The following C21orf91 variants were observed in gnomAD, a reference collection of about 807,000 sequenced individuals.
C21orf91 encodes protein EURL homolog.
C21orf91 carries 26 observed loss-of-function variants against 32.9 expected under a neutral mutation model. That is an observed-to-expected ratio of 0.79 (90% CI 0.58 to 1.10). C21orf91 has a LOEUF of 1.10. Among genes scored for constraint, C21orf91 ranks in the 50% least tolerant of loss-of-function variants. The pLI is 0.00. For missense variants in C21orf91, 310 were observed against 341.3 expected, an observed-to-expected ratio of 0.91 and a Z score of 0.72; for synonymous variants, 126 against 120.4, an observed-to-expected ratio of 1.05 and a Z score of -0.31.
intron 2 of C21orf91, among the ~76,000 whole-genome samples, chr21:17,803,426 G>A (rs1377443805): frequency 2.0e-5 from 3 of 152,086 alleles, no homozygotes; most frequent in Non-Finnish European, 4.4e-5. Context: ...TGGGAGGATC[G>A]CTTGGGCCAG....
chr21:17,799,114 G>T (rs1480832507), intron 2 of C21orf91, among the ~76,000 whole-genome samples: 1 of 152,112 alleles, frequency 6.6e-6, no homozygotes, highest in Admixed American at 6.5e-5. Context: ...CTAGGCTATG[G>T]AAAGTAATTA....
At chr21:17,812,049 G>T (rs183481530) in intron 2 of C21orf91, among the ~76,000 whole-genome samples, 16 of 152,180 alleles carry the variant, frequency 1.1e-4, no homozygotes, top group African/African-American at 3.9e-4. Flanking sequence ...AAAAAAAAAT[G>T]AGGCTACCAT....
rs1194367747 is a variant in C21orf91, at chr21:17,791,259, C to T, written c.*2156G>A. On this transcript the variant is annotated 3_prime_UTR_variant, in exon 5 of 5. Transcript: ENST00000284881. ...AAATAAAGTAGTGTGAGTACCAGCA[C>T]CACAAAGTTTTTTTTAAGAGCACCT... 2.6e-5 allele frequency: 4 copies of T among 151,998 alleles called. No homozygotes were observed. Among genetic ancestry groups the T allele is most frequent in the Admixed American group, 6.6e-5 (1 of 15,252 alleles). The allele number at this position is 151,998 out of a possible 1,614,324, so 9.4% of individuals were successfully genotyped here.
intron 2 of C21orf91, among the ~76,000 whole-genome samples, chr21:17,815,551 AATT>A (rs963691677): frequency 6.6e-6 from 1 of 151,940 alleles, no homozygotes; most frequent in Non-Finnish European, 1.5e-5. Context: ...TCTAGTATGT[AATT>A]ATTATTATGA....
intron 2 of C21orf91, among the ~76,000 whole-genome samples, chr21:17,814,651 G>A (rs2062653766): frequency 1.3e-5 from 2 of 151,978 alleles, no homozygotes; most frequent in Admixed American, 6.6e-5. Context: ...AAGAGAGTGA[G>A]GGGGGGAGGT....
chr21:17,812,766 A>C (rs1274139159), intron 2 of C21orf91, among the ~76,000 whole-genome samples: 1 of 152,010 alleles, frequency 6.6e-6, no homozygotes, highest in Non-Finnish European at 1.5e-5. Context: ...CCGAGACTGC[A>C]CCACTGTACT....
At chr21:17,808,623 A>G (rs2062613528) in intron 2 of C21orf91, among the ~76,000 whole-genome samples, 1 of 152,234 alleles carries the variant, frequency 6.6e-6, no homozygotes. Flanking sequence ...ACCTCACTGT[A>G]TCTTGGAAGT....
chr21:17,803,475 C>T (rs892870834), intron 2 of C21orf91, among the ~76,000 whole-genome samples: 3 of 152,110 alleles, frequency 2.0e-5, no homozygotes, highest in Non-Finnish European at 2.9e-5. Flanking sequence ...TGCGCCTCTA[C>T]ACTCTATCTA....
At chr21:17,801,570 C>T (rs546643760) in intron 2 of C21orf91, among the ~76,000 whole-genome samples, 1 of 151,850 alleles carries the variant, frequency 6.6e-6, no homozygotes, top group East Asian at 1.9e-4. Flanking sequence ...GTGCCCGGCC[C>T]GTATGTTCTT....
intron 3 of C21orf91, among the ~76,000 whole-genome samples, chr21:17,796,020 A>C (rs2062515121): frequency 6.6e-6 from 1 of 152,240 alleles, no homozygotes; most frequent in Non-Finnish European, 1.5e-5. Context: ...AGAATCAAGA[A>C]GTTGTATAAC....
At position 17,796,874 on chromosome 21, in the gene C21orf91, C is replaced by T; in HGVS notation, c.372G>A (p.Arg124=). 2 of 1,613,922 alleles carry T rather than the reference C, an allele frequency of 1.2e-6. No homozygotes were observed. The highest frequency in any genetic ancestry group is 1.7e-6 in the Non-Finnish European group (2 of 1,179,942). ...GGAGTAATTTTTCTTCTGGCTTATGCCTGAAATTAAACAGATGATGCTGGG... is the reference window on the plus strand; with the variant it reads ...GGAGTAATTTTTCTTCTGGCTTATGTCTGAAATTAAACAGATGATGCTGGG... The part of the protein sequence containing the change: ...KNPQHHLFNF[R]HKPEEKLLPQ... The change falls in exon 3 of 5, where the codon AGG becomes AGA. Residue 124 remains arginine (R), a synonymous_variant. Transcript: ENST00000284881.
At chr21:17,801,952 TTTTTC>T (rs1381670504) in intron 2 of C21orf91, among the ~76,000 whole-genome samples, 1 of 152,170 alleles carries the variant, frequency 6.6e-6, no homozygotes, top group East Asian at 1.9e-4. Context: ...AATAATTTTA[TTTTTC>T]TTTTATCTTT....
chr21:17,801,526 T>G (rs2062561153), intron 2 of C21orf91, among the ~76,000 whole-genome samples: 1 of 152,110 alleles, frequency 6.6e-6, no homozygotes, highest in Non-Finnish European at 1.5e-5. Flanking sequence ...CGCCTCGGCC[T>G]CCTAAAGTGC....
Position 17,792,969 on chromosome 21 carries a change from G to T in C21orf91, c.*446C>A, listed in dbSNP as rs915162511. ...TCAAATACACATTTATAAAGAGAAT[G>T]GCAAAGTACCTAAAATAGCATTTTC... is the stretch of plus-strand genomic sequence containing the variant. On this transcript the variant is annotated 3_prime_UTR_variant, in exon 5 of 5. Coordinates refer to ENST00000284881, the MANE Select transcript of C21orf91 (RefSeq NM_001100420.2). The T allele has an allele frequency of 1.3e-5, 2 of 152,378 alleles. No individual in the cohort carries two copies. Among genetic ancestry groups the T allele is most frequent in the African/African-American group, 4.8e-5 (2 of 41,366 alleles). The allele number at this position is 152,378 out of a possible 1,614,324, so 9.4% of individuals were successfully genotyped here.
intron 2 of C21orf91, among the ~76,000 whole-genome samples, chr21:17,814,316 TTAGAG>T (rs1470928127): frequency 1.4e-4 from 21 of 152,286 alleles, no homozygotes; most frequent in African/African-American, 5.1e-4. Flanking sequence ...ATGATGCATA[TTAGAG>T]TATTTGATCA....
intron 2 of C21orf91, among the ~76,000 whole-genome samples, chr21:17,801,471 C>T (rs553199931): frequency 2.0e-4 from 30 of 152,084 alleles, no homozygotes; most frequent in African/African-American, 5.1e-4. Flanking sequence ...GGGGTTTCAC[C>T]GTGTTAGCCA....
chr21:17,811,157 AT>A (rs965844431), intron 2 of C21orf91, among the ~76,000 whole-genome samples: 2 of 152,184 alleles, frequency 1.3e-5, no homozygotes, highest in African/African-American at 4.8e-5. Flanking sequence ...ACATTTTGGA[AT>A]CAGAGACCCT....
chr21:17,813,573 C>T (rs1343282056), intron 2 of C21orf91, among the ~76,000 whole-genome samples: 4 of 152,202 alleles, frequency 2.6e-5, no homozygotes, highest in Admixed American at 1.3e-4. Flanking sequence ...ACTTACTCAT[C>T]AACTAGCAAG....
chr21:17,803,941 A>C (rs992035698), intron 2 of C21orf91, among the ~76,000 whole-genome samples: 4 of 152,220 alleles, frequency 2.6e-5, no homozygotes, highest in Admixed American at 2.6e-4. Flanking sequence ...AGAGGATCTG[A>C]CAGGAACTGG....
Sources: allele counts gnomAD v4.1 joint callset (sites outside exome capture counted in the v4.1 genomes callset), GRCh38; gene constraint gnomAD v4.1.1; transcripts MANE v1.5; gene names NCBI Gene and HGNC (gene_info 2026-07-23, HGNC 2026-07-21).